MAST4: variants seen among roughly 807,000 people sequenced by gnomAD.
MAST4 encodes the protein microtubule-associated serine/threonine-protein kinase 4.
Under a neutral mutation model 162.7 loss-of-function variants are expected in MAST4, and 89 were observed. The ratio of observed to expected loss-of-function variants is 0.55; its 90% CI spans 0.46 to 0.65. The LOEUF (loss-of-function observed/expected upper bound fraction) is 0.65. MAST4 is among the 30% of genes least tolerant of loss of function. The pLI, the probability that MAST4 is intolerant of heterozygous loss-of-function variation, is 0.00. For synonymous variants in MAST4, 1,479 were observed against 1,361.1 expected (o/e 1.09, Z -1.91); for missense variants, 3,153 against 3,374.0 (o/e 0.93, Z 1.62).
chr5:66,811,524 A>C (rs1756478849), intron 3 of MAST4, among the ~76,000 whole-genome samples: 1 of 152,198 alleles, frequency 6.6e-6, no homozygotes, highest in South Asian at 2.1e-4. Flanking sequence ...CTTTGTTTTT[A>C]TTCAAATAAA....
chr5:66,891,365 C>G (rs1291669066), intron 3 of MAST4, among the ~76,000 whole-genome samples: 3 of 152,162 alleles, frequency 2.0e-5, no homozygotes, highest in South Asian at 2.1e-4. Context: ...CTTCCTTGTT[C>G]CTGGCCCTCA....
At chr5:66,930,097 A>T (rs1044387213) in intron 4 of MAST4, among the ~76,000 whole-genome samples, 1 of 152,314 alleles carries the variant, frequency 6.6e-6, no homozygotes, top group Non-Finnish European at 1.5e-5. Flanking sequence ...ACTTTCCAAG[A>T]CCTAAAGAAC....
At chr5:67,025,276 A>G (rs1467925080) in intron 4 of MAST4, among the ~76,000 whole-genome samples, 1 of 152,180 alleles carries the variant, frequency 6.6e-6, no homozygotes, top group African/African-American at 2.4e-5. Context: ...CAAGATCTAG[A>G]GGCATGTCTA....
chr5:67,034,750 G>A (rs1206445808), intron 4 of MAST4, among the ~76,000 whole-genome samples: 2 of 152,114 alleles, frequency 1.3e-5, no homozygotes, highest in East Asian at 3.9e-4. Flanking sequence ...AGCTCCAAAA[G>A]GAGTGAATAT....
In MAST4 at chr5:66,678,794, CA is replaced by C. The variant is rs761934632; in HGVS notation, c.364-80913del. On this transcript the variant is annotated intron_variant, in intron 1 of 28. Coordinates refer to ENST00000403625, the MANE Select transcript of MAST4 (RefSeq NM_001164664.2). ...GGTGTGAACCACCATGCCCGGCCCC[CA>C]ATTTTTTTTTTTTTGAGACGGAGGC... 6.6e-3 allele frequency among the ~76,000 whole-genome samples: 598 copies of C among 91,056 alleles called. 1 individual carries two copies. Among genetic ancestry groups the C allele is most frequent in the Non-Finnish European group, 8.5e-3 (412 of 48,468 alleles). 59.7% of individuals were successfully genotyped at this position (91,056 alleles called of 152,430 possible).
chr5:67,099,356 C>G (rs1449606014), intron 7 of MAST4, among the ~76,000 whole-genome samples: 6 of 151,412 alleles, frequency 4.0e-5, no homozygotes, highest in Non-Finnish European at 5.9e-5. Context: ...TATAAAAATT[C>G]CTCTTTGTCT....
At chr5:67,017,742 G>T (rs1357262730) in intron 4 of MAST4, among the ~76,000 whole-genome samples, 1 of 151,516 alleles carries the variant, frequency 6.6e-6, no homozygotes, top group African/African-American at 2.4e-5. Context: ...TAGCTTACAG[G>T]TGTGCGCCAC....
chr5:66,926,421 C>T lies in MAST4; in HGVS notation c.674+26439C>T, dbSNP rs1345103369. ...AAATTAGCCGGCATGGTGGTGTGCA[C>T]CTGTAGTCTCAGCTACACAGGAGCC... is the stretch of plus-strand genomic sequence containing the variant. On this transcript the variant is annotated intron_variant, in intron 4 of 28. Coordinates refer to ENST00000403625, the MANE Select transcript of MAST4 (RefSeq NM_001164664.2). 1.3e-5 allele frequency among the ~76,000 whole-genome samples: 2 copies of T among 152,018 alleles called. 1 individual carries two copies. Among genetic ancestry groups the T allele is most frequent in the Admixed American group, 1.3e-4 (2 of 15,252 alleles).
intron 5 of MAST4, among the ~76,000 whole-genome samples, chr5:67,084,595 A>G (rs1763039897): frequency 6.6e-6 from 1 of 152,220 alleles, no homozygotes; most frequent in South Asian, 2.1e-4. Context: ...TTGTGTATCT[A>G]GATATATAAC....
intron 4 of MAST4, among the ~76,000 whole-genome samples, chr5:67,034,469 T>C (rs572706270): frequency 6.6e-5 from 10 of 152,278 alleles, no homozygotes; most frequent in East Asian, 3.9e-4. Flanking sequence ...TCCTAACTTA[T>C]GTGTTTGCTC....
chr5:67,004,348 C>T (rs1320341445), intron 4 of MAST4, among the ~76,000 whole-genome samples: 5 of 152,216 alleles, frequency 3.3e-5, no homozygotes, highest in Non-Finnish European at 7.3e-5. Flanking sequence ...CCAGCCGGAC[C>T]CTGGAAGGGT....
At chr5:66,863,646 C>T (rs1237113455) in intron 3 of MAST4, among the ~76,000 whole-genome samples, 15 of 152,156 alleles carry the variant, frequency 9.9e-5, no homozygotes, top group Admixed American at 5.9e-4. Flanking sequence ...AGCTGCCACA[C>T]GTCAGGCCTC....
In MAST4 at chr5:66,596,865, AGGCACCCTG is replaced by A. The variant is rs1742211014; in HGVS notation, c.214_222del (p.Thr72_Gly74del). ...AGCCGCCGCCGCCGCCGCCGTTGGG[AGGCACCCTG>A]GGCGCCCGGGCGCCCGCCGCGTGGG... On this transcript the variant is annotated inframe_deletion, in exon 1 of 29. Transcript: ENST00000403625. The A allele has an allele frequency of 1.6e-6, 2 of 1,268,204 alleles. No individual in the cohort carries two copies. Among genetic ancestry groups the A allele is most frequent in the East Asian group, 6.7e-5 (2 of 29,954 alleles). 78.6% of individuals were successfully genotyped at this position (1,268,204 alleles called of 1,614,324 possible).
intron 1 of MAST4, among the ~76,000 whole-genome samples, chr5:66,642,607 C>T (rs909133950): frequency 2.6e-5 from 4 of 152,170 alleles, no homozygotes; most frequent in East Asian, 3.9e-4. Context: ...GAATGACTGC[C>T]GATTTGTAAT....
intron 8 of MAST4, among the ~76,000 whole-genome samples, chr5:67,101,861 G>C (rs1765068543): frequency 6.6e-6 from 1 of 151,852 alleles, no homozygotes; most frequent in South Asian, 2.1e-4. Context: ...AGTATAAGCT[G>C]TATCCACTTA....
intron 4 of MAST4, among the ~76,000 whole-genome samples, chr5:67,006,566 G>A (rs184106587): frequency 3.3e-4 from 50 of 152,276 alleles, no homozygotes; most frequent in African/African-American, 1.1e-3. Flanking sequence ...TCCTGGCTGC[G>A]GTACAGCCTC....
intron 1 of MAST4, among the ~76,000 whole-genome samples, chr5:66,610,374 T>C (rs1196242579): frequency 6.6e-6 from 1 of 152,220 alleles, no homozygotes; most frequent in Non-Finnish European, 1.5e-5. Flanking sequence ...TAGATCAGCC[T>C]ACAACAGCCT....
intron 4 of MAST4, among the ~76,000 whole-genome samples, chr5:67,000,197 G>T (rs1751122148): frequency 6.6e-6 from 1 of 152,206 alleles, no homozygotes; most frequent in African/African-American, 2.4e-5. Flanking sequence ...AAATGGGGAT[G>T]GGAAGATGTC....
Position 67,166,259 on chromosome 5 carries a change from G to A in MAST4, c.7080G>A (p.Gln2360=), listed in dbSNP as rs369454699. Residue 2360 remains glutamine, a synonymous_variant, in exon 29 of 29, where the codon CAG becomes CAA. Coordinates refer to ENST00000403625, the MANE Select transcript of MAST4 (RefSeq NM_001164664.2). The part of the protein sequence containing the change: ...DNRQTDKSPS[Q]PAANTDRRAE... ...GACAGACAGACAAAAGCCCGAGTCA[G>A]CCGGCCGCCAACACCGACAGAAGGG... The A allele has an allele frequency of 1.2e-5, 18 of 1,553,394 alleles. No homozygotes were observed. In the African/African-American group the frequency reaches 2.3e-4, roughly 20 times the overall value.
Sources: gnomAD v4.1 joint callset for allele counts (sites outside exome capture counted in the v4.1 genomes callset) on GRCh38, gnomAD v4.1.1 for gene constraint, MANE v1.5 for transcripts, NCBI Gene and HGNC (gene_info 2026-07-23, HGNC 2026-07-21) for gene names.